Variants in DTD1 observed in about 807,000 individuals in gnomAD.
The protein encoded by DTD1 is D-tyrosyl-tRNA deacylase 1 homolog.
Under a neutral mutation model 25.6 loss-of-function variants are expected in DTD1, and 13 were observed. That is an observed-to-expected ratio of 0.51 (90% CI 0.33 to 0.81). The LOEUF (loss-of-function observed/expected upper bound fraction) is 0.81, where lower values mean the gene tolerates loss of function less well. Among genes scored for constraint, DTD1 ranks in the 30% least tolerant of loss-of-function variants. The pLI, the probability that DTD1 is intolerant of heterozygous loss-of-function variation, is 0.02. For missense variants in DTD1, 193 were observed against 266.4 expected (o/e 0.72, Z 1.92); for synonymous variants, 110 against 103.6 (o/e 1.06, Z -0.37).
chr20:18,729,899 A>G lies in DTD1; in HGVS notation c.478-14201A>G, dbSNP rs190597491. On this transcript the variant is annotated intron_variant, in intron 4 of 5. Transcript: ENST00000377452. ...TTCCTTCTCTCTCTGAGTGGCTTCT[A>G]TTGCACATGTGTGTCCCTAGGCAGG... Among the ~76,000 whole-genome samples the G allele has an allele frequency of 5.3e-5, 8 of 151,436 alleles. No individual in the cohort carries two copies. In the East Asian group the frequency reaches 9.8e-4, roughly 19 times the overall value.
intron 5 of DTD1, among the ~76,000 whole-genome samples, chr20:18,762,431 T>G (rs2061366760): frequency 6.6e-6 from 1 of 152,208 alleles, no homozygotes; most frequent in South Asian, 2.1e-4. Context: ...CTTGGACTTC[T>G]GTACCAAACA....
At chr20:18,742,752 C>T (rs182569340) in intron 4 of DTD1, among the ~76,000 whole-genome samples, 2 of 152,268 alleles carry the variant, frequency 1.3e-5, no homozygotes, top group East Asian at 3.9e-4. Flanking sequence ...TTCCTGGACC[C>T]AATTGAGAGC....
At chr20:18,710,020 G>A (rs2061152142) in intron 4 of DTD1, among the ~76,000 whole-genome samples, 2 of 152,092 alleles carry the variant, frequency 1.3e-5, no homozygotes, top group South Asian at 4.2e-4. Flanking sequence ...ACTTCTGAGA[G>A]CACCATGTAT....
At chr20:18,761,817 G>A (rs185963366) in intron 5 of DTD1, among the ~76,000 whole-genome samples, 8 of 152,324 alleles carry the variant, frequency 5.3e-5, no homozygotes, top group Non-Finnish European at 7.3e-5. Context: ...CCCCAGGTCC[G>A]TAACTTGGGT....
In DTD1 at chr20:18,661,455, T is replaced by C. The variant is rs1300058659; in HGVS notation, c.477+33222T>C. Among the ~76,000 whole-genome samples the C allele has an allele frequency of 2.1e-5, 3 of 144,814 alleles. No homozygotes were observed. In the Admixed American group the frequency reaches 2.2e-4, roughly 11 times the overall value. On this transcript the variant is annotated intron_variant, in intron 4 of 5. Coordinates refer to ENST00000377452, the MANE Select transcript of DTD1 (RefSeq NM_080820.6). Reference sequence around the variant, plus strand: ...GGTGCGATCTCAGCTCACTGCAAGCTCTGCCTCCCAGGTTCATGCCATTCT... The same window carrying C: ...GGTGCGATCTCAGCTCACTGCAAGCCCTGCCTCCCAGGTTCATGCCATTCT...
At position 18,645,157 on chromosome 20, in the gene DTD1, AC is replaced by A. The variant is rs2060845804; in HGVS notation, c.477+16926del. On this transcript the variant is annotated intron_variant, in intron 4 of 5. Coordinates refer to ENST00000377452, the MANE Select transcript of DTD1 (RefSeq NM_080820.6). ...AAAGTGAGAACTTGTCTGTAAATCA[AC>A]CGATCAATGAATCAATCAATCAATC... is the stretch of plus-strand genomic sequence containing the variant. Among the ~76,000 whole-genome samples the A allele has an allele frequency of 2.0e-5, 3 of 152,188 alleles. No homozygotes were observed. The South Asian group carries it at 6.2e-4, about 31-fold the overall frequency.
intron 4 of DTD1, among the ~76,000 whole-genome samples, chr20:18,740,272 G>A (rs1300057961): frequency 1.3e-4 from 20 of 151,458 alleles, no homozygotes; most frequent in Admixed American, 1.3e-3. Context: ...GGGGGAGGAG[G>A]TTTATTTAAT....
chr20:18,614,135 T>C (rs1392722474), intron 3 of DTD1, among the ~76,000 whole-genome samples: 5 of 152,082 alleles, frequency 3.3e-5, no homozygotes, highest in African/African-American at 1.2e-4. Flanking sequence ...TCTGAGCCTC[T>C]TCTTCTATTG....
At chr20:18,703,151 A>G (rs1483203984) in intron 4 of DTD1, among the ~76,000 whole-genome samples, 2 of 152,192 alleles carry the variant, frequency 1.3e-5, no homozygotes, top group Non-Finnish European at 2.9e-5. Flanking sequence ...TAGTCCTTAC[A>G]CTTGACTGTT....
intron 3 of DTD1, among the ~76,000 whole-genome samples, chr20:18,609,949 C>T (rs181332835): frequency 6.6e-5 from 10 of 152,306 alleles, no homozygotes; most frequent in African/African-American, 9.6e-5. Flanking sequence ...AAGTCAAATC[C>T]TCTGAGTAAT....
At chr20:18,657,010 A>G (rs2060893856) in intron 4 of DTD1, among the ~76,000 whole-genome samples, 2 of 152,200 alleles carry the variant, frequency 1.3e-5, no homozygotes, top group Non-Finnish European at 1.5e-5. Flanking sequence ...ACTTTCCTTA[A>G]TGGTTGTTTT....
In DTD1 at chr20:18,737,700, G is replaced by A. The variant is rs747613234; in HGVS notation, c.478-6400G>A. Among the ~76,000 whole-genome samples, 124 of 152,326 alleles carry A rather than the reference G, an allele frequency of 8.1e-4. 1 individual carries two copies. The highest frequency in any genetic ancestry group is 1.6e-3 in the Admixed American group (24 of 15,308). On this transcript the variant is annotated intron_variant, in intron 4 of 5. Coordinates refer to ENST00000377452, the MANE Select transcript of DTD1 (RefSeq NM_080820.6). ...GTCACTTCTGAGGCTTCCCCACTCTGCTCTTAGCCAGCCCTATTACTGGTT... is the reference window on the plus strand; with the variant it reads ...GTCACTTCTGAGGCTTCCCCACTCTACTCTTAGCCAGCCCTATTACTGGTT...
rs188468460 is a variant in DTD1 at position 18,607,196 on chromosome 20, G to A, written c.370+10955G>A. ...GTGTCTGTATTAATGAGAGGTATTGGACTGTTGTCCAGGCTGGAGTGCAGT... is the reference window on the plus strand; with the variant it reads ...GTGTCTGTATTAATGAGAGGTATTGAACTGTTGTCCAGGCTGGAGTGCAGT... On this transcript the variant is annotated intron_variant, in intron 3 of 5. Transcript: ENST00000377452. Among the ~76,000 whole-genome samples, 259 of 152,144 alleles carry A rather than the reference G, an allele frequency of 1.7e-3. 1 individual carries two copies. The highest frequency in any genetic ancestry group is 2.6e-4 in the Non-Finnish European group (18 of 67,988).
At chr20:18,592,444 A>T (rs193281090) in intron 1 of DTD1, 2 of 152,184 alleles carry the variant, frequency 1.3e-5, no homozygotes, top group East Asian at 3.9e-4. Flanking sequence ...CTGCTGTCAT[A>T]CCAAAGTTCT....
At chr20:18,730,070 C>T (rs2061235001) in intron 4 of DTD1, among the ~76,000 whole-genome samples, 1 of 152,012 alleles carries the variant, frequency 6.6e-6, no homozygotes, top group Non-Finnish European at 1.5e-5. Context: ...GTACTCTTCC[C>T]CAAAATATAT....
At position 18,614,132 on chromosome 20, in the gene DTD1, C is replaced by T. The variant is rs1200877642; in HGVS notation, c.371-13995C>T. On this transcript the variant is annotated intron_variant, in intron 3 of 5. Coordinates refer to ENST00000377452, the MANE Select transcript of DTD1 (RefSeq NM_080820.6). ...TTTTTCTTTTAAAAACTCTCTGAGC[C>T]TCTTCTTCTATTGTAATGACCTGGG... Among the ~76,000 whole-genome samples, 38 of 152,178 alleles carry T rather than the reference C, an allele frequency of 2.5e-4. 1 individual carries two copies.
chr20:18,702,840 A>G (rs1234740861), intron 4 of DTD1, among the ~76,000 whole-genome samples: 1 of 151,912 alleles, frequency 6.6e-6, no homozygotes, highest in Non-Finnish European at 1.5e-5. Flanking sequence ...CATATTCCTA[A>G]GGTTTCCCTC....
intron 4 of DTD1, among the ~76,000 whole-genome samples, chr20:18,703,728 G>GC (rs763589509): frequency 1.1e-3 from 126 of 113,238 alleles, no homozygotes; most frequent in Middle Eastern, 5.1e-3. Context: ...ATAGTATTCA[G>GC]TTTTTTTTTT....
At chr20:18,706,268 G>A (rs556762153) in intron 4 of DTD1, among the ~76,000 whole-genome samples, 1 of 152,180 alleles carries the variant, frequency 6.6e-6, no homozygotes, top group Non-Finnish European at 1.5e-5. Context: ...CACACCCTGT[G>A]TTCATGGTAC....
Sources: allele counts gnomAD v4.1 joint callset (sites outside exome capture counted in the v4.1 genomes callset), GRCh38; gene constraint gnomAD v4.1.1; transcripts MANE v1.5; gene names NCBI Gene and HGNC (gene_info 2026-07-23, HGNC 2026-07-21).